The following ATAD3A variants were observed in gnomAD, a reference collection of about 807,000 sequenced individuals.
ATAD3A encodes the protein ATPase family AAA domain containing 3A.
ATAD3A carries 46 observed loss-of-function variants against 73.8 expected under a neutral mutation model. The observed-to-expected ratio is 0.62, with a 90% CI of 0.49 to 0.80. The LOEUF is 0.80. Among genes scored for constraint, ATAD3A ranks in the 30% least tolerant of loss-of-function variants. The pLI, the probability that ATAD3A is intolerant of heterozygous loss-of-function variation, is 0.00. For synonymous variants in ATAD3A, 319 were observed against 350.0 expected, an observed-to-expected ratio of 0.91 and a Z score of 0.99; for missense variants, 705 against 838.0, an observed-to-expected ratio of 0.84 and a Z score of 1.96.
Position 1,512,176 on chromosome 1 carries a change from C to A in ATAD3A, c.-93C>A. On this transcript the variant is annotated 5_prime_UTR_variant, in exon 1 of 16. Coordinates refer to ENST00000378756, the MANE Select transcript of ATAD3A (RefSeq NM_001170535.3). ...GGCGCCTGCGCAGTGGCGGTGACCACCGGCTCGCGGCGCGTGGAGGCTGCT... is the reference window on the plus strand; with the variant it reads ...GGCGCCTGCGCAGTGGCGGTGACCAACGGCTCGCGGCGCGTGGAGGCTGCT... 8.2e-7 allele frequency: 1 copy of A among 1,213,966 alleles called. No homozygotes were observed. Among genetic ancestry groups the A allele is most frequent in the Non-Finnish European group, 1.0e-6 (1 of 973,714 alleles). The allele number at this position is 1,213,966 out of a possible 1,614,324, so 75.2% of individuals were successfully genotyped here. A position where few individuals can be genotyped will look rare whatever the true frequency, so the allele number is the denominator to read the frequency against.
Position 1,517,316 on chromosome 1 carries a change from T to G in ATAD3A, c.288T>G (p.Tyr96Ter). ...GTGAGTGCTGTGCTCTGCAGGAGTATGAGGCCGCCGTGGAGCAGCTCAAGA... is the reference window on the plus strand; with the variant it reads ...GTGAGTGCTGTGCTCTGCAGGAGTAGGAGGCCGCCGTGGAGCAGCTCAAGA... ...QLEQQSKLKEYEAAVEQLKSE... is the reference protein window; with the variant it reads ...QLEQQSKLKE Residue 96 changes from tyrosine (Y) to a stop codon, truncating the protein, a stop_gained, in exon 3 of 16, where the codon TAT becomes TAG. Transcript: ENST00000378756. LOFTEE classifies it high-confidence loss of function. 1 of 1,545,910 alleles carries G rather than the reference T, an allele frequency of 6.5e-7. No homozygotes were observed. Among genetic ancestry groups the G allele is most frequent in the Non-Finnish European group, 8.7e-7 (1 of 1,146,564 alleles).
Position 1,523,411 on chromosome 1 carries a change from G to A in ATAD3A, c.907-100G>A. ...CCGGTCCTGGCTGTGCTTTGGGGCA[G>A]CTCCGTTTCTGCGTGTTACCGAGCG... On this transcript the variant is annotated intron_variant, in intron 8 of 15. Coordinates refer to ENST00000378756, the MANE Select transcript of ATAD3A (RefSeq NM_001170535.3). This position sits in a 1 kb window ranked among gnomAD's most constrained non-coding sequence, Gnocchi z 5.1. 6.5e-7 allele frequency: 1 copy of A among 1,531,900 alleles called. No homozygotes were observed. Among genetic ancestry groups the A allele is most frequent in the Non-Finnish European group, 8.8e-7 (1 of 1,131,938 alleles). 94.9% of individuals were successfully genotyped at this position (1,531,900 alleles called of 1,614,324 possible).
chr1:1,524,395 C>T lies in ATAD3A; in HGVS notation c.1212C>T (p.Arg404=), dbSNP rs376242090. The T allele has an allele frequency of 2.1e-5, 34 of 1,602,254 alleles. No homozygotes were observed. Among genetic ancestry groups the T allele is most frequent in the Admixed American group, 8.5e-5 (5 of 59,034 alleles). The change falls in exon 11 of 16, where the codon CGC becomes CGT. Residue 404 remains arginine (R), a splice_region_variant and synonymous_variant. Transcript: ENST00000378756. ...KLFDWANTSR[R]GLLLFVDEAD... is the part of the protein sequence containing the mutation. ...TTGACTGGGCCAATACCAGCCGGCG[C>T]GGGTGAGACGTCCCCACAGCATGCA...
rs1641686572 is a variant in ATAD3A, at chr1:1,523,596, G to T, written c.963+29G>T. The T allele has an allele frequency of 6.2e-7, 1 of 1,612,248 alleles. No individual in the cohort carries two copies. The highest frequency in any genetic ancestry group is 1.3e-5 in the African/African-American group (1 of 74,850). On this transcript the variant is annotated intron_variant, in intron 9 of 15. Coordinates refer to ENST00000378756, the MANE Select transcript of ATAD3A (RefSeq NM_001170535.3). The surrounding 1 kb of genome is among the most constrained non-coding windows in gnomAD (Gnocchi z 5.1). ...AGTCGGTGTGCCTGGGACCGGGGAGGCGCAGGGAGGGGACCCTGGAGCTGG... is the reference window on the plus strand; with the variant it reads ...AGTCGGTGTGCCTGGGACCGGGGAGTCGCAGGGAGGGGACCCTGGAGCTGG...
Position 1,520,860 on chromosome 1 carries a change from G to T in ATAD3A, c.750+243G>T, listed in dbSNP as rs1381479289. ...CATCTCTACAAAAAATCAAATATTA[G>T]CTGGGTGTGGTGGCAGCCCCTGTGG... On this transcript the variant is annotated intron_variant, in intron 7 of 15. Transcript: ENST00000378756. The surrounding 1 kb of genome is among the most constrained non-coding windows in gnomAD (Gnocchi z 4.0). 1.3e-5 allele frequency among the ~76,000 whole-genome samples: 2 copies of T among 151,970 alleles called. No homozygotes were observed. The highest frequency in any genetic ancestry group is 2.9e-5 in the Non-Finnish European group (2 of 67,976).
intron 15 of ATAD3A, among the ~76,000 whole-genome samples, chr1:1,533,719 G>A (rs1359421482): frequency 6.6e-6 from 1 of 151,708 alleles, no homozygotes. Flanking sequence ...CAGTGCTGAG[G>A]ACGCAGGCAG....
At chr1:1,515,539 A>C (rs1641327400) in intron 1 of ATAD3A, among the ~76,000 whole-genome samples, 1 of 152,138 alleles carries the variant, frequency 6.6e-6, no homozygotes, top group Non-Finnish European at 1.5e-5. Flanking sequence ...AACGTAACTG[A>C]GGACGTTGTC....
In ATAD3A at chr1:1,527,449, G is replaced by A. The variant is rs376402778; in HGVS notation, c.1338-246G>A. Among the ~76,000 whole-genome samples the A allele has an allele frequency of 3.3e-5, 5 of 152,320 alleles. No individual in the cohort carries two copies. In the South Asian group the frequency reaches 6.2e-4, roughly 19 times the overall value. On this transcript the variant is annotated intron_variant, in intron 13 of 15. Transcript: ENST00000378756. The stretch of plus-strand genomic sequence containing the variant: ...GGCAGCAGGAGAGAGTGGTGTTCCC[G>A]GCACTGCCTATCAGGCTGGGCGAGG...
At chr1:1,526,080 C>T (rs1054007909) in intron 12 of ATAD3A, among the ~76,000 whole-genome samples, 15 of 150,704 alleles carry the variant, frequency 1.0e-4, no homozygotes, top group South Asian at 4.2e-4. Flanking sequence ...TGGAGTGCAG[C>T]GGTGCAATTT....
intron 4 of ATAD3A, among the ~76,000 whole-genome samples, chr1:1,518,537 CACAT>C (rs1251474655): frequency 8.2e-6 from 1 of 122,614 alleles, no homozygotes; most frequent in Non-Finnish European, 1.7e-5. Context: ...ACCCCACACA[CACAT>C]ACGGGCACAC....
intron 4 of ATAD3A, among the ~76,000 whole-genome samples, chr1:1,518,290 CCCCA>C (rs1467113172): frequency 2.9e-5 from 4 of 138,334 alleles, no homozygotes; most frequent in African/African-American, 8.1e-5. Context: ...GTACGTACCC[CCCCA>C]CACACACACA....
At chr1:1,533,892 G>A (rs370555606) in intron 15 of ATAD3A, 34 bp from the exon 16 acceptor site, 2,235 of 1,601,386 alleles carry the variant, frequency 1.4e-3, no homozygotes, top group Non-Finnish European at 1.6e-3. Flanking sequence ...GGGTTCCCAT[G>A]GCGGCCTCCC....
intron 12 of ATAD3A, 95 bp downstream of exon 12, chr1:1,525,386 T>C (rs1371044196): frequency 6.7e-7 from 1 of 1,493,788 alleles, no homozygotes; most frequent in Non-Finnish European, 9.2e-7. Context: ...AGTTTCTTTT[T>C]CTCTGTAAGC....
intron 14 of ATAD3A, among the ~76,000 whole-genome samples, chr1:1,528,599 C>A (rs1462160940): frequency 6.6e-6 from 1 of 152,242 alleles, no homozygotes; most frequent in African/African-American, 2.4e-5. Context: ...TGGGCAGAGC[C>A]CTCCAGGTGA....
chr1:1,517,818 C>T (rs370537629), intron 4 of ATAD3A, 43 bp downstream of exon 4: 141 of 1,240,694 alleles, frequency 1.1e-4, no homozygotes, highest in Non-Finnish European at 1.5e-4. Flanking sequence ...TCCCTGAGAA[C>T]GTAGGTGGCT....
intron 5 of ATAD3A, 123 bp downstream of exon 5, chr1:1,519,113 C>G: frequency 6.4e-7 from 1 of 1,567,334 alleles, no homozygotes; most frequent in Non-Finnish European, 8.7e-7. Flanking sequence ...TGGGCGAGGC[C>G]TGCTGGGGCT....
intron 15 of ATAD3A, among the ~76,000 whole-genome samples, chr1:1,530,906 C>T (rs947370392): frequency 2.7e-5 from 4 of 150,574 alleles, no homozygotes; most frequent in South Asian, 2.1e-4. Flanking sequence ...AATCCCAGCA[C>T]GTTGGGAGGC....
chr1:1,527,913 C>T (rs1409321749), intron 14 of ATAD3A, 51 bp downstream of exon 14: 1 of 1,554,396 alleles, frequency 6.4e-7, no homozygotes, highest in African/African-American at 1.4e-5. Flanking sequence ...GCTCAGGGTC[C>T]ACCCCGACCC....
At chr1:1,515,486 G>A (rs1306387272) in intron 1 of ATAD3A, among the ~76,000 whole-genome samples, 1 of 152,116 alleles carries the variant, frequency 6.6e-6, no homozygotes, top group Non-Finnish European at 1.5e-5. Context: ...TCTGTCCCAC[G>A]ACACCCAAAC....
Sources: gnomAD v4.1 joint callset for allele counts (sites outside exome capture counted in the v4.1 genomes callset) on GRCh38, gnomAD v4.1.1 for gene constraint, Gnocchi (gnomAD v3.1) non-coding constraint, MANE v1.5 for transcripts, NCBI Gene and HGNC (gene_info 2026-07-23, HGNC 2026-07-21) for gene names.